The following ARSA variants were observed in gnomAD, a reference collection of about 807,000 sequenced individuals.
ARSA encodes the protein cerebroside-sulfatase.
ARSA carries 32 observed loss-of-function variants against 37.8 expected under a neutral mutation model. That is an observed-to-expected ratio of 0.85 (90% CI 0.64 to 1.14). The LOEUF is 1.14. Among genes scored for constraint, ARSA ranks in the 50% most tolerant of loss-of-function variants. The pLI is 0.00. For missense variants in ARSA, 685 were observed against 686.3 expected, an observed-to-expected ratio of 1.00 and a Z score of 0.02; for synonymous variants, 303 against 303.4, an observed-to-expected ratio of 1.00 and a Z score of 0.01.
chr22:50,626,356 C>T, intron 4 of ARSA, 78 bp from the exon 5 acceptor site: 3 of 1,582,694 alleles, frequency 1.9e-6, no homozygotes, highest in Non-Finnish European at 2.6e-6. Flanking sequence ...CCCCACACCT[C>T]TAAGTCACAA....
At position 50,625,216 on chromosome 22, in the gene ARSA, G is replaced by A; in HGVS notation, c.1459C>T (p.Leu487=). ...CAGCCAGGATGACAGCAGATCTGCA[G>A]GGCGGGGTCCTCGCCCCGGGCCACC... ...SQVARGEDPA[L]QICCHPGCTP... Residue 487 remains leucine, a synonymous_variant, in exon 8 of 8, where the codon CTG becomes TTG. Transcript: ENST00000216124. 1.2e-6 allele frequency: 2 copies of A among 1,608,264 alleles called. No individual in the cohort carries two copies. The highest frequency in any genetic ancestry group is 1.1e-5 in the South Asian group (1 of 90,688).
intron 4 of ARSA, 90 bp downstream of exon 4, chr22:50,626,501 A>T: frequency 6.3e-7 from 1 of 1,582,404 alleles, no homozygotes; most frequent in Non-Finnish European, 8.6e-7. Flanking sequence ...CCCCTCACCC[A>T]CTATGTTCTT....
At position 50,627,642 on chromosome 22, in the gene ARSA, A is replaced by C; in HGVS notation, c.138T>G (p.Ser46=). 1 of 1,560,370 alleles carries C rather than the reference A, an allele frequency of 6.4e-7. No individual in the cohort carries two copies. Among genetic ancestry groups the C allele is most frequent in the Non-Finnish European group, 8.7e-7 (1 of 1,151,722 alleles). Residue 46 remains serine, a synonymous_variant, in exon 1 of 8, where the codon TCT becomes TCG. Transcript: ENST00000216124. ...GDLGCYGHPS[S]TTPNLDQLAA... ...CCAGCTGGTCCAGGTTGGGAGTGGT[A>C]GAGCTGGGGTGCCCATAGCAGCCCA...
rs145299072 is a variant in ARSA at position 50,627,023 on chromosome 22, C to T, written c.495G>A (p.Pro165=). Reference sequence around the variant, plus strand: ...AGCCACCGTCGCAAGGAGTGGCCGGCGGGAAGCAGGTCAGGTTCTGGCAGG... The same window carrying T: ...AGCCACCGTCGCAAGGAGTGGCCGGTGGGAAGCAGGTCAGGTTCTGGCAGG... ...QGPCQNLTCF[P]PATPCDGGCD... Residue 165 remains proline (P), a synonymous_variant, in exon 3 of 8, where the codon CCG becomes CCA. Coordinates refer to ENST00000216124, the MANE Select transcript of ARSA (RefSeq NM_000487.6). The T allele has an allele frequency of 6.5e-4, 1,053 of 1,609,234 alleles. 9 individuals are homozygous for T. In the African/African-American group the frequency reaches 0.013, roughly 19 times the overall value.
rs926702905 is a variant in ARSA at position 50,628,091 on chromosome 22, G to C, written c.-312C>G. The C allele has an allele frequency of 6.8e-5, 26 of 379,780 alleles. No individual in the cohort carries two copies. Among genetic ancestry groups the C allele is most frequent in the Non-Finnish European group, 8.4e-5 (17 of 202,430 alleles). 23.5% of individuals were successfully genotyped at this position (379,780 alleles called of 1,614,324 possible). On this transcript the variant is annotated 5_prime_UTR_variant, in exon 1 of 8. Coordinates refer to ENST00000216124, the MANE Select transcript of ARSA (RefSeq NM_000487.6). ...GGCGCTGACCAGCGGAGTCGGGCCG[G>C]GGGGAAGGCGCTAGAGGGAGCCCAG...
rs1394861740 is a variant in ARSA at position 50,626,714 on chromosome 22, G to A, written c.731C>T (p.Ser244Leu). The change falls in exon 4 of 8, where the codon TCA (serine) becomes TTA (leucine). Residue 244 changes from serine to leucine, a missense_variant. Transcript: ENST00000216124. ...QFSGQSFAER[S>L]GRGPFGDSLM... is the part of the protein sequence containing the mutation. ...GGAGTCCCCAAATGGCCCGCGGCCT[G>A]AACGCTCTGCAAAGCTCTGCCCACT... 6.2e-7 allele frequency: 1 copy of A among 1,614,132 alleles called. No individual in the cohort carries two copies. The highest frequency in any genetic ancestry group is 1.1e-5 in the South Asian group (1 of 91,084).
chr22:50,626,116 T>A, intron 5 of ARSA, 38 bp downstream of exon 5: 4 of 1,599,508 alleles, frequency 2.5e-6, no homozygotes, highest in Non-Finnish European at 3.4e-6. Context: ...GTTGGGGTGG[T>A]GGGGCCAGGG....
chr22:50,626,307 TG>T (rs1443033196), intron 4 of ARSA, 29 bp from the exon 5 acceptor site: 5 of 1,606,394 alleles, frequency 3.1e-6, no homozygotes, highest in Non-Finnish European at 4.2e-6. Flanking sequence ...TCATGAGCCA[TG>T]GAGCCACAGC....
rs6151408 is a variant in ARSA at position 50,627,915 on chromosome 22, G to C, written c.-136C>G. On this transcript the variant is annotated 5_prime_UTR_variant, in exon 1 of 8. Coordinates refer to ENST00000216124, the MANE Select transcript of ARSA (RefSeq NM_000487.6). ...TCCCCGACCCTGACGGCCGCCTCCT[G>C]AAGCTCCAGAGGGCCGGGGCCCGAC... 29,836 of 875,580 alleles carry C rather than the reference G, an allele frequency of 0.034. 640 individuals are homozygous for C. The highest frequency in any genetic ancestry group is 0.039 in the Non-Finnish European group (22,525 of 582,266). 54.2% of individuals were successfully genotyped at this position (875,580 alleles called of 1,614,324 possible). A position where few individuals can be genotyped will look rare whatever the true frequency, so the allele number is the denominator to read the frequency against.
intron 4 of ARSA, 106 bp from the exon 5 acceptor site, chr22:50,626,384 C>A (rs974738476): frequency 9.8e-5 from 151 of 1,544,538 alleles, no homozygotes; most frequent in Non-Finnish European, 1.3e-4. Flanking sequence ...CCGGAGGTGC[C>A]CAGCATGAGC....
chr22:50,626,529 C>T, intron 4 of ARSA, 62 bp downstream of exon 4: 1 of 1,601,950 alleles, frequency 6.2e-7, no homozygotes, highest in East Asian at 2.2e-5. Flanking sequence ...AGCTGAACTG[C>T]AAGGCCTCCA....
rs554327628 is a variant in ARSA, at chr22:50,627,692, C to G, written c.88G>C (p.Ala30Pro). 3.9e-6 allele frequency: 6 copies of G among 1,556,632 alleles called. No individual in the cohort carries two copies. The East Asian group carries it at 1.4e-4, about 37-fold the overall frequency. The change falls in exon 1 of 8, where the codon GCC becomes CCC. Residue 30 changes from alanine (A) to proline (P), a missense_variant. Transcript: ENST00000216124. ...ARPPNIVLIF[A>P]DDLGYGDLGC... ...AGGTCCCCATAGCCGAGGTCGTCGG[C>G]AAAGATCAGCACGATGTTGGGCGGA...
Position 50,627,966 on chromosome 22 carries a change from CGGAACTCCTCCAGGA to C in ARSA, c.-202_-188del. Reference sequence around the variant, plus strand: ...AGTACCGGGAGACCGCGGGCTGGGACGGAACTCCTCCAGGACCAGGGCACCTTCAGATTCTCGAGC... The same window carrying C: ...AGTACCGGGAGACCGCGGGCTGGGACCCAGGGCACCTTCAGATTCTCGAGC... On this transcript the variant is annotated 5_prime_UTR_variant, in exon 1 of 8. Transcript: ENST00000216124. 1.6e-6 allele frequency: 1 copy of C among 609,212 alleles called. No individual in the cohort carries two copies. Among genetic ancestry groups the C allele is most frequent in the South Asian group, 2.0e-5 (1 of 50,222 alleles). The allele number at this position is 609,212 out of a possible 1,614,324, so 37.7% of individuals were successfully genotyped here. A position where few individuals can be genotyped will look rare whatever the true frequency, so the allele number is the denominator to read the frequency against.
Position 50,627,161 on chromosome 22 carries a change from C to A in ARSA, c.465+5G>T. 6.2e-7 allele frequency: 1 copy of A among 1,608,520 alleles called. No homozygotes were observed. The highest frequency in any genetic ancestry group is 8.5e-7 in the Non-Finnish European group (1 of 1,176,454). Reference sequence around the variant, plus strand: ...AGGGTGGCTGAGGGCCCGGGTGGTTCCTACCTGGTCGTGGGAGTACGGGAT... The same window carrying A: ...AGGGTGGCTGAGGGCCCGGGTGGTTACTACCTGGTCGTGGGAGTACGGGAT... On this transcript the variant is annotated splice_donor_5th_base_variant and intron_variant, in intron 2 of 7. Transcript: ENST00000216124.
Position 50,627,364 on chromosome 22 carries a change from C to T in ARSA, c.267G>A (p.Met89Ile), listed in dbSNP as rs924781710. ...LTGRLPVRMG[M>I]YPGVLVPSSR... The stretch of plus-strand genomic sequence containing the variant: ...AGCTGGGCACCAGGACGCCAGGGTA[C>T]ATGCCCATCCGAACCGGGAGCCGGC... Residue 89 changes from methionine to isoleucine, a missense_variant, in exon 2 of 8, where the codon ATG becomes ATA. Physicochemically the swap from Met to Ile is conservative, Grantham distance 10 (BLOSUM62 1). Transcript: ENST00000216124. 1.9e-6 allele frequency: 3 copies of T among 1,602,686 alleles called. No individual in the cohort carries two copies. The highest frequency in any genetic ancestry group is 2.7e-5 in the African/African-American group (2 of 74,840).
chr22:50,626,022 T>A lies in ARSA; in HGVS notation c.1021A>T (p.Thr341Ser), dbSNP rs1448599527. ...ELASSLDLLP[T>S]LAALAGAPLP... is the part of the protein sequence containing the mutation. Reference sequence around the variant, plus strand: ...GGGGCCCCAGCCAGGGCTGCCAGGGTAGGCAGCAGGTCCAGGGAGCTGGCC... The same window carrying A: ...GGGGCCCCAGCCAGGGCTGCCAGGGAAGGCAGCAGGTCCAGGGAGCTGGCC... Residue 341 changes from threonine (T) to serine (S), a missense_variant, in exon 6 of 8, where the codon ACC becomes TCC. Physicochemically the swap from Thr to Ser is moderately conservative, Grantham distance 58. Coordinates refer to ENST00000216124, the MANE Select transcript of ARSA (RefSeq NM_000487.6). 1.9e-6 allele frequency: 3 copies of A among 1,583,764 alleles called. No homozygotes were observed. The highest frequency in any genetic ancestry group is 2.6e-6 in the Non-Finnish European group (3 of 1,166,922).
chr22:50,625,632 C>A lies in ARSA; in HGVS notation c.1157G>T (p.Arg386Leu), dbSNP rs747155690. ...TCCAGTCCGCACAGCAAAAACCCCA[C>A]GGACCTCGTCTGGGTAGGACGGGTA... is the stretch of plus-strand genomic sequence containing the variant. ...FFYPSYPDEV[R>L]GVFAVRTGKY... Residue 386 changes from arginine to leucine, a missense_variant, in exon 7 of 8, where the codon CGT becomes CTT. By Grantham distance (102) the Arg-to-Leu change is moderately radical. Coordinates refer to ENST00000216124, the MANE Select transcript of ARSA (RefSeq NM_000487.6). The A allele has an allele frequency of 3.7e-6, 6 of 1,613,656 alleles. 1 individual carries two copies. The South Asian group carries it at 5.5e-5, about 15-fold the overall frequency.
At position 50,627,969 on chromosome 22, in the gene ARSA, A is replaced by G; in HGVS notation, c.-190T>C. The stretch of plus-strand genomic sequence containing the variant: ...ACCGGGAGACCGCGGGCTGGGACGG[A>G]ACTCCTCCAGGACCAGGGCACCTTC... On this transcript the variant is annotated 5_prime_UTR_variant, in exon 1 of 8. Coordinates refer to ENST00000216124, the MANE Select transcript of ARSA (RefSeq NM_000487.6). 1.6e-6 allele frequency: 1 copy of G among 608,320 alleles called. No homozygotes were observed. The highest frequency in any genetic ancestry group is 3.0e-5 in the Admixed American group (1 of 33,800). 37.7% of individuals were successfully genotyped at this position (608,320 alleles called of 1,614,324 possible).
intron 7 of ARSA, 41 bp downstream of exon 7, chr22:50,625,538 G>T (rs2082649677): frequency 6.2e-7 from 1 of 1,610,488 alleles, no homozygotes; most frequent in Non-Finnish European, 8.5e-7. Context: ...TCCGGGGAGG[G>T]GTCAGCAGGT....
Sources: gnomAD v4.1 joint callset for allele counts on GRCh38, gnomAD v4.1.1 for gene constraint, MANE v1.5 for transcripts, NCBI Gene and HGNC (gene_info 2026-07-23, HGNC 2026-07-21) for gene names.